TAFA5: variants seen among roughly 807,000 people sequenced by gnomAD.
TAFA5 encodes the protein TAFA chemokine like family member 5, also known as chemokine-like protein TAFA-5.
Under a neutral mutation model 15.3 loss-of-function variants are expected in TAFA5, and 6 were observed. The observed-to-expected ratio is 0.39, with a 90% confidence interval of 0.21 to 0.77. TAFA5 has a LOEUF of 0.77. TAFA5 is among the 30% of genes least tolerant of loss of function. The pLI, the probability that TAFA5 is intolerant of heterozygous loss-of-function variation, is 0.41. For missense variants in TAFA5, 161 were observed against 193.1 expected, an observed-to-expected ratio of 0.83 and a Z score of 0.98; for synonymous variants, 103 against 80.7, an observed-to-expected ratio of 1.28 and a Z score of -1.48.
At chr22:48,522,103 A>G (rs1261354406) in intron 1 of TAFA5, among the ~76,000 whole-genome samples, 1 of 152,126 alleles carries the variant, frequency 6.6e-6, no homozygotes, top group Non-Finnish European at 1.5e-5. Context: ...GCATTGGCTT[A>G]AACAGCAAGG....
intron 2 of TAFA5, among the ~76,000 whole-genome samples, chr22:48,704,680 G>C (rs532122588): frequency 6.6e-6 from 1 of 151,750 alleles, no homozygotes. Context: ...CTTTTTCTCG[G>C]AGGGAGACAC....
rs956970077 is a variant in TAFA5 at position 48,530,597 on chromosome 22, C to T, written c.112+40893C>T. Among the ~76,000 whole-genome samples the T allele has an allele frequency of 2.5e-4, 38 of 152,238 alleles. No homozygotes were observed. Among genetic ancestry groups the T allele is most frequent in the African/African-American group, 8.7e-4 (36 of 41,552 alleles). Reference sequence around the variant, plus strand: ...CCCCTGCTAGAGGGTGGGCAAGAAACCAGCGCTCCCCTGGCTCCCTCCCTT... The same window carrying T: ...CCCCTGCTAGAGGGTGGGCAAGAAATCAGCGCTCCCCTGGCTCCCTCCCTT... On this transcript the variant is annotated intron_variant, in intron 1 of 3. Transcript: ENST00000402357. This position sits in a 1 kb window ranked among gnomAD's most constrained non-coding sequence, Gnocchi z 6.0.
chr22:48,634,672 G>T (rs904914439), intron 1 of TAFA5, among the ~76,000 whole-genome samples: 2 of 141,754 alleles, frequency 1.4e-5, no homozygotes, highest in East Asian at 4.0e-4. Flanking sequence ...CACTCACTGA[G>T]TCACTCAGTC....
At chr22:48,545,934 C>T (rs1198309361) in intron 1 of TAFA5, among the ~76,000 whole-genome samples, 1 of 152,128 alleles carries the variant, frequency 6.6e-6, no homozygotes, top group Admixed American at 6.5e-5. Context: ...TTCTGCCACC[C>T]TGGGGAAGGG....
At chr22:48,719,498 G>A (rs1019807026) in intron 3 of TAFA5, among the ~76,000 whole-genome samples, 2 of 152,204 alleles carry the variant, frequency 1.3e-5, no homozygotes, top group Non-Finnish European at 2.9e-5. Context: ...TGAAGGAAGA[G>A]GAGAGAGAAG....
intron 1 of TAFA5, among the ~76,000 whole-genome samples, chr22:48,514,713 A>G (rs1921343802): frequency 6.6e-6 from 1 of 152,246 alleles, no homozygotes; most frequent in Non-Finnish European, 1.5e-5. Flanking sequence ...CTGAAAATTG[A>G]GCACAAAACA....
At chr22:48,709,166 C>A (rs112483307) in intron 3 of TAFA5, among the ~76,000 whole-genome samples, 3 of 152,274 alleles carry the variant, frequency 2.0e-5, no homozygotes, top group African/African-American at 7.2e-5. Context: ...TGTGGGCCTG[C>A]AGGAGGAGTG....
chr22:48,499,223 C>T (rs1189143551), intron 1 of TAFA5, among the ~76,000 whole-genome samples: 3 of 152,226 alleles, frequency 2.0e-5, no homozygotes, highest in East Asian at 3.9e-4. Flanking sequence ...CACATGTAAC[C>T]GTGCTGCCGA....
chr22:48,629,433 G>T lies in TAFA5; in HGVS notation c.113-17164G>T, dbSNP rs1199608028. Reference sequence around the variant, plus strand: ...TCTGCCTCCAGGCCCCCCTCCGGATGCCCCACAGTCCACAGCTCCCTGGGC... The same window carrying T: ...TCTGCCTCCAGGCCCCCCTCCGGATTCCCCACAGTCCACAGCTCCCTGGGC... On this transcript the variant is annotated intron_variant, in intron 1 of 3. Transcript: ENST00000402357. 2.0e-5 allele frequency among the ~76,000 whole-genome samples: 3 copies of T among 152,342 alleles called. No homozygotes were observed. The East Asian group carries it at 5.8e-4, about 29-fold the overall frequency.
Position 48,489,572 on chromosome 22 carries a change from C to T in TAFA5, c.-21C>T, listed in dbSNP as rs781138134. 131 of 1,403,702 alleles carry T rather than the reference C, an allele frequency of 9.3e-5. 2 individuals carry two copies. The East Asian group carries it at 3.3e-3, about 36-fold the overall frequency. The allele number at this position is 1,403,702 out of a possible 1,614,324, so 87.0% of individuals were successfully genotyped here. On this transcript the variant is annotated 5_prime_UTR_variant, in exon 1 of 4. Transcript: ENST00000402357. The surrounding 1 kb of genome is among the most constrained non-coding windows in gnomAD (Gnocchi z 5.5). ...GCTGCTGAGACGCGCTGCTGCCCCCCGCGCGGGCGCCGCGGCTTCAATGGC... is the reference window on the plus strand; with the variant it reads ...GCTGCTGAGACGCGCTGCTGCCCCCTGCGCGGGCGCCGCGGCTTCAATGGC...
chr22:48,678,783 G>A (rs962391963), intron 2 of TAFA5, among the ~76,000 whole-genome samples: 2 of 152,124 alleles, frequency 1.3e-5, no homozygotes, highest in Non-Finnish European at 2.9e-5. Flanking sequence ...ATGCTGGTGT[G>A]TACATTTGTG....
chr22:48,746,957 C>A (rs1469218989), intron 3 of TAFA5, among the ~76,000 whole-genome samples: 1 of 152,206 alleles, frequency 6.6e-6, no homozygotes, highest in Admixed American at 6.5e-5. Flanking sequence ...TGGCCAGCAC[C>A]TCCCTTCCAG....
intron 1 of TAFA5, among the ~76,000 whole-genome samples, chr22:48,573,500 G>C (rs1376542831): frequency 6.6e-6 from 1 of 151,810 alleles, no homozygotes; most frequent in African/African-American, 2.4e-5. Context: ...TGGCACCCAG[G>C]GCCTCTTTGG....
At chr22:48,704,196 A>ACG (rs749632013) in intron 2 of TAFA5, among the ~76,000 whole-genome samples, 71 of 128,118 alleles carry the variant, frequency 5.5e-4, no homozygotes, top group Non-Finnish European at 9.7e-4. Context: ...CTCAACACAC[A>ACG]CGCGCACACA....
intron 1 of TAFA5, among the ~76,000 whole-genome samples, chr22:48,616,293 C>T (rs549523266): frequency 7.2e-5 from 11 of 152,270 alleles, no homozygotes; most frequent in African/African-American, 9.6e-5. Flanking sequence ...GTAACCCCGC[C>T]GTGCTGATTT....
intron 1 of TAFA5, among the ~76,000 whole-genome samples, chr22:48,529,373 G>A (rs1921892054): frequency 7.8e-6 from 1 of 128,196 alleles, no homozygotes; most frequent in African/African-American, 3.0e-5. Context: ...GCGGGAGATG[G>A]GGATGTCAGG....
intron 1 of TAFA5, among the ~76,000 whole-genome samples, chr22:48,602,301 A>G (rs546040560): frequency 1.3e-5 from 2 of 152,292 alleles, no homozygotes; most frequent in East Asian, 3.9e-4. Flanking sequence ...CCACCCCCCC[A>G]CAAGCACACC....
At chr22:48,640,858 G>A (rs1926648040) in intron 1 of TAFA5, among the ~76,000 whole-genome samples, 1 of 151,254 alleles carries the variant, frequency 6.6e-6, no homozygotes, top group South Asian at 2.1e-4. Flanking sequence ...AGCTGAGACC[G>A]TGGGGGCACC....
chr22:48,643,280 C>T (rs889408740), intron 1 of TAFA5, among the ~76,000 whole-genome samples: 1 of 152,160 alleles, frequency 6.6e-6, no homozygotes, highest in African/African-American at 2.4e-5. Flanking sequence ...GAAGCTCCTG[C>T]AAGGCCCTGA....
Sources: gnomAD v4.1 joint callset for allele counts (sites outside exome capture counted in the v4.1 genomes callset) on GRCh38, gnomAD v4.1.1 for gene constraint, Gnocchi (gnomAD v3.1) non-coding constraint, MANE v1.5 for transcripts, NCBI Gene and HGNC (gene_info 2026-07-23, HGNC 2026-07-21) for gene names.